FLII: variants seen among roughly 807,000 people sequenced by gnomAD.
FLII encodes the protein protein flightless-1 homolog.
FLII carries 101 observed loss-of-function variants against 156.2 expected under a neutral mutation model. The ratio of observed to expected loss-of-function variants is 0.65; its 90% CI spans 0.55 to 0.76. The LOEUF is 0.76. Among genes scored for constraint, FLII ranks in the 30% least tolerant of loss-of-function variants. The probability of loss-of-function intolerance (pLI) is 0.00; values close to 1 mark genes in which losing one functional copy is unlikely to be tolerated. For missense variants in FLII, 1,675 were observed against 1,682.8 expected (o/e 1.00, Z 0.08); for synonymous variants, 767 against 685.8 (o/e 1.12, Z -1.85).
chr17:18,248,697 C>A lies in FLII; in HGVS notation c.2043G>T (p.Lys681Asn). ...TCTCAGCCTTCCCTTTCCGCTCATT[C>A]TTGTTAATTTTCTCTGCAAAGAGCC... ...KARLFAEKIN[K>N]NERKGKAEIT... is the part of the protein sequence containing the mutation. Residue 681 changes from lysine (K) to asparagine (N), a missense_variant, in exon 18 of 30, where the codon AAG (lysine) becomes AAT (asparagine). Lys to Asn is a moderately conservative substitution (Grantham distance 94, BLOSUM62 0). Transcript: ENST00000327031. 1 of 1,613,768 alleles carries A rather than the reference C, an allele frequency of 6.2e-7. No homozygotes were observed. Among genetic ancestry groups the A allele is most frequent in the Non-Finnish European group, 8.5e-7 (1 of 1,179,694 alleles).
intron 20 of FLII, 38 bp from the exon 21 acceptor site, chr17:18,247,395 G>A (rs1032808519): frequency 5.2e-6 from 8 of 1,552,224 alleles, no homozygotes; most frequent in African/African-American, 1.4e-5. Context: ...GAGGGGTGCG[G>A]CATGATTAGA....
intron 3 of FLII, 75 bp downstream of exon 3, chr17:18,256,451 C>G (rs1342800728): frequency 1.6e-6 from 2 of 1,228,150 alleles, no homozygotes; most frequent in African/African-American, 1.5e-5. Context: ...AGCTTGGTGT[C>G]TAGCCCAGGC....
Position 18,253,533 on chromosome 17 carries a change from C to T in FLII, c.855+11G>A, listed in dbSNP as rs767249642. 1.9e-6 allele frequency: 3 copies of T among 1,613,010 alleles called. No individual in the cohort carries two copies. The highest frequency in any genetic ancestry group is 2.5e-6 in the Non-Finnish European group (3 of 1,179,186). On this transcript the variant is annotated intron_variant, in intron 8 of 29. Transcript: ENST00000327031. Reference sequence around the variant, plus strand: ...TTCCTCCCATCCCCCTACTGAGGGCCTCAGACGCACGGGCAGTGAGGTGAG... The same window carrying T: ...TTCCTCCCATCCCCCTACTGAGGGCTTCAGACGCACGGGCAGTGAGGTGAG...
In FLII at chr17:18,247,678, G is replaced by A. The variant is rs1567707985; in HGVS notation, c.2466C>T (p.Ser822=). Residue 822 remains serine (S), a synonymous_variant, in exon 20 of 30, where the codon AGC becomes AGT. Coordinates refer to ENST00000327031, the MANE Select transcript of FLII (RefSeq NM_002018.4). ...GCACCTGCGCCTCGGTGCCCTCGAGGCTGCGGCTGACCGTGGCATGGCGTG... is the reference window on the plus strand; with the variant it reads ...GCACCTGCGCCTCGGTGCCCTCGAGACTGCGGCTGACCGTGGCATGGCGTG... The part of the protein sequence containing the change: ...HRPRHATVSR[S]LEGTEAQVFK... The A allele has an allele frequency of 6.3e-7, 1 of 1,596,692 alleles. No individual in the cohort carries two copies. The highest frequency in any genetic ancestry group is 8.5e-7 in the Non-Finnish European group (1 of 1,176,496).
In FLII at chr17:18,254,697, C is replaced by T. The variant is rs749586303; in HGVS notation, c.414-15G>A. 13 of 1,613,482 alleles carry T rather than the reference C, an allele frequency of 8.1e-6. No homozygotes were observed. The highest frequency in any genetic ancestry group is 1.0e-5 in the Non-Finnish European group (12 of 1,179,702). On this transcript the variant is annotated splice_polypyrimidine_tract_variant and intron_variant, in intron 5 of 29. Coordinates refer to ENST00000327031, the MANE Select transcript of FLII (RefSeq NM_002018.4). ...TGGTGTCGATGCTACGGGTGGGGAG[C>T]AGGAGCCACCTGAGTCAGCACCAGC...
rs751968493 is a variant in FLII, at chr17:18,253,671, T to A, written c.728A>T (p.Tyr243Phe). The A allele has an allele frequency of 6.2e-7, 1 of 1,613,520 alleles. No homozygotes were observed. The highest frequency in any genetic ancestry group is 2.2e-5 in the East Asian group (1 of 44,848). The change falls in exon 8 of 30, where the codon TAC (tyrosine) becomes TTC (phenylalanine). Residue 243 changes from tyrosine (Y) to phenylalanine (F), a missense_variant. Tyr to Phe is a conservative substitution (Grantham distance 22). This residue lies in a region of FLII where 343 missense variants were observed against 413.5 expected (regional missense o/e 0.83). Coordinates refer to ENST00000327031, the MANE Select transcript of FLII (RefSeq NM_002018.4). ...GAGGCGGCGCAGGCTGGGGAGGGTG[T>A]ACAGACACTCGGGCACCCGTGTCAG... is the stretch of plus-strand genomic sequence containing the variant. Reference protein sequence around the residue: ...NDLTRVPECLYTLPSLRRLNL... With the variant: ...NDLTRVPECLFTLPSLRRLNL...
Position 18,248,732 on chromosome 17 carries a change from G to A in FLII, c.2019-11C>T, listed in dbSNP as rs760039711. The A allele has an allele frequency of 2.5e-6, 4 of 1,613,914 alleles. No individual in the cohort carries two copies. The South Asian group carries it at 4.4e-5, about 18-fold the overall frequency. On this transcript the variant is annotated splice_polypyrimidine_tract_variant and intron_variant, in intron 17 of 29. Coordinates refer to ENST00000327031, the MANE Select transcript of FLII (RefSeq NM_002018.4). ...TTCTCTGCAAAGAGCCTGAGAGCAG[G>A]ATGCAAAGTCATCAGCGAGGCTCAC...
rs755509364 is a variant in FLII, at chr17:18,245,585, A to G, written c.3579T>C (p.Asp1193=). The part of the protein sequence containing the change: ...SDFCQDDLAD[D]DIMLLDNGQE... Reference sequence around the variant, plus strand: ...GGCCATTGTCTAGCAACATGATGTCATCATCTGCCAGGTCATCTTGGCAAA... The same window carrying G: ...GGCCATTGTCTAGCAACATGATGTCGTCATCTGCCAGGTCATCTTGGCAAA... Residue 1193 remains aspartate (D), a synonymous_variant, in exon 28 of 30, where the codon GAT becomes GAC. Transcript: ENST00000327031. 6.6e-5 allele frequency: 107 copies of G among 1,613,878 alleles called. No homozygotes were observed. The highest frequency in any genetic ancestry group is 5.0e-5 in the Admixed American group (3 of 60,004).
In FLII at chr17:18,254,754, C is replaced by A; in HGVS notation, c.413+15G>T. 1 of 1,614,014 alleles carries A rather than the reference C, an allele frequency of 6.2e-7. No individual in the cohort carries two copies. Among genetic ancestry groups the A allele is most frequent in the Non-Finnish European group, 8.5e-7 (1 of 1,179,974 alleles). ...ACAGGGCCCACCTGCCCCCTGCCCC[C>A]CACTGGCCTGGCACCTGTTGTGGCT... On this transcript the variant is annotated intron_variant, in intron 5 of 29. Coordinates refer to ENST00000327031, the MANE Select transcript of FLII (RefSeq NM_002018.4).
At position 18,256,901 on chromosome 17, in the gene FLII, C is replaced by T; in HGVS notation, c.174+8G>A. The stretch of plus-strand genomic sequence containing the variant: ...GGGACCCTCCCCTGCCCGCCCAAAC[C>T]CCCTTACCAGCTTCTGCAGGGCGGC... On this transcript the variant is annotated splice_region_variant and intron_variant, in intron 2 of 29. Transcript: ENST00000327031. 1.3e-6 allele frequency: 2 copies of T among 1,593,574 alleles called. No individual in the cohort carries two copies. The highest frequency in any genetic ancestry group is 1.7e-6 in the Non-Finnish European group (2 of 1,167,558).
rs758412355 is a variant in FLII at position 18,246,183 on chromosome 17, G to A, written c.3246C>T (p.Ser1082=). The change falls in exon 25 of 30, where the codon TCC becomes TCT. Residue 1082 remains serine (S), a synonymous_variant. Coordinates refer to ENST00000327031, the MANE Select transcript of FLII (RefSeq NM_002018.4). ...QINTDSSLLN[S]EFCFILKVPF... The stretch of plus-strand genomic sequence containing the variant: ...CCACCTTGAGGATGAAGCAGAACTC[G>A]GAGTTGAGGAGGCTGGAGTCGGTGT... 2.5e-6 allele frequency: 4 copies of A among 1,614,022 alleles called. No individual in the cohort carries two copies. The highest frequency in any genetic ancestry group is 1.6e-4 in the Middle Eastern group (1 of 6,082).
chr17:18,253,950 C>G, intron 7 of FLII, 129 bp downstream of exon 7: 1 of 797,894 alleles, frequency 1.3e-6, no homozygotes, highest in Non-Finnish European at 2.0e-6. Context: ...GCAAAAGTCA[C>G]TGTAACATAA....
rs143705561 is a variant in FLII, at chr17:18,250,344, G to A, written c.1776+494C>T. ...GGTGGGGTGTGTGCATAAACTCCAC[G>A]TGTGTGTACATGCGAACATATGTCT... On this transcript the variant is annotated intron_variant, in intron 14 of 29. Transcript: ENST00000327031. Among the ~76,000 whole-genome samples the A allele has an allele frequency of 2.6e-5, 4 of 152,282 alleles. No homozygotes were observed. In the East Asian group the frequency reaches 5.8e-4, roughly 22 times the overall value.
Position 18,254,568 on chromosome 17 carries a change from C to T in FLII, c.528G>A (p.Leu176=). 1.2e-6 allele frequency: 2 copies of T among 1,613,652 alleles called. No individual in the cohort carries two copies. Among genetic ancestry groups the T allele is most frequent in the Non-Finnish European group, 1.7e-6 (2 of 1,179,914 alleles). ...GGTTTCCATTGAGCACGAGCGTCTG[C>T]AGGTGCACCAGGCGGCGCATCTGCG... ...LPPQMRRLVH[L]QTLVLNGNPL... The change falls in exon 6 of 30, where the codon CTG becomes CTA. Residue 176 remains leucine (L), a synonymous_variant. Coordinates refer to ENST00000327031, the MANE Select transcript of FLII (RefSeq NM_002018.4).
rs972317543 is a variant in FLII, at chr17:18,248,044, G to A, written c.2191-11C>T. On this transcript the variant is annotated splice_polypyrimidine_tract_variant and intron_variant, in intron 18 of 29. Transcript: ENST00000327031. ...CAAGCCCAGGCCCACCTGGCAGGAA[G>A]GATGAGCATGGCAGGGAAGGGATCT... The A allele has an allele frequency of 1.9e-6, 3 of 1,587,866 alleles. No homozygotes were observed. The highest frequency in any genetic ancestry group is 2.6e-6 in the Non-Finnish European group (3 of 1,157,364).
Position 18,258,343 on chromosome 17 carries a change from G to T in FLII, c.63+285C>A. On this transcript the variant is annotated intron_variant, in intron 1 of 29. Transcript: ENST00000327031. This position sits in a 1 kb window ranked among gnomAD's most constrained non-coding sequence, Gnocchi z 4.2. ...GATCCCCAGGCCACCATCCAGCCTA[G>T]ACCGAGAACACGGACGCGGGGTGGG... 1 of 740,654 alleles carries T rather than the reference G, an allele frequency of 1.4e-6. No homozygotes were observed. The highest frequency in any genetic ancestry group is 2.1e-6 in the Non-Finnish European group (1 of 470,410). 45.9% of individuals were successfully genotyped at this position (740,654 alleles called of 1,614,324 possible).
At position 18,251,661 on chromosome 17, in the gene FLII, C is replaced by T; in HGVS notation, c.1383+19G>A. On this transcript the variant is annotated intron_variant, in intron 12 of 29. Coordinates refer to ENST00000327031, the MANE Select transcript of FLII (RefSeq NM_002018.4). ...GAAGCTAAGGCTCCCTGCCTTGTCC[C>T]AACCCTGGCCTGGCTCACCTCCTGC... 2 of 1,613,840 alleles carry T rather than the reference C, an allele frequency of 1.2e-6. No homozygotes were observed. Among genetic ancestry groups the T allele is most frequent in the Admixed American group, 1.7e-5 (1 of 60,028 alleles).
intron 12 of FLII, 79 bp downstream of exon 12, chr17:18,251,601 T>C (rs983540918): frequency 6.3e-7 from 1 of 1,599,660 alleles, no homozygotes. Flanking sequence ...CCCGTCCCTC[T>C]TGGCCAGGGT....
Position 18,256,603 on chromosome 17 carries a change from C to A in FLII, c.175-6G>T. ...TGGCTCACAGACAAGTGTTCCTGGG[C>A]CGGAATGGGGAGCACAGGCTCAGCA... is the stretch of plus-strand genomic sequence containing the variant. On this transcript the variant is annotated splice_polypyrimidine_tract_variant and splice_region_variant and intron_variant, in intron 2 of 29. Transcript: ENST00000327031. 6.4e-7 allele frequency: 1 copy of A among 1,551,448 alleles called. No homozygotes were observed. The highest frequency in any genetic ancestry group is 8.7e-7 in the Non-Finnish European group (1 of 1,146,910).
Sources: gnomAD v4.1 joint callset for allele counts (sites outside exome capture counted in the v4.1 genomes callset) on GRCh38, gnomAD v4.1.1 for gene constraint, gnomAD v4.1.1 regional missense constraint, Gnocchi (gnomAD v3.1) non-coding constraint, MANE v1.5 for transcripts, NCBI Gene and HGNC (gene_info 2026-07-23, HGNC 2026-07-21) for gene names.